The following ANO6 variants were observed in gnomAD, a reference collection of about 807,000 sequenced individuals.
The protein encoded by ANO6 is anoctamin-6.
Under a neutral mutation model 117.5 loss-of-function variants are expected in ANO6, and 106 were observed. The observed-to-expected ratio is 0.90, with a 90% CI of 0.77 to 1.06. The LOEUF is 1.06. Among genes scored for constraint, ANO6 ranks in the 50% least tolerant of loss-of-function variants. The pLI, the probability that ANO6 is intolerant of heterozygous loss-of-function variation, is 0.00. For missense variants in ANO6, 955 were observed against 1,121.1 expected (o/e 0.85, Z 2.12); for synonymous variants, 367 against 385.1 (o/e 0.95, Z 0.55).
Position 45,270,343 on chromosome 12 carries a change from C to T in ANO6, c.71-31671C>T, listed in dbSNP as rs76388777. ...AGCAAAAATGGTCAAATGGCTTGTA[C>T]GAGGTCAGGTCCTTGTTGTTACAGA... On this transcript the variant is annotated intron_variant, in intron 1 of 19. Transcript: ENST00000320560. The T allele has an allele frequency of 2.0e-3, 2,571 of 1,294,768 alleles. 47 individuals carry two copies. The African/African-American group carries it at 0.035, about 18-fold the overall frequency. 80.2% of individuals were successfully genotyped at this position (1,294,768 alleles called of 1,614,324 possible). A position where few individuals can be genotyped will look rare whatever the true frequency, so the allele number is the denominator to read the frequency against.
At chr12:45,284,313 G>A (rs988042641) in intron 1 of ANO6, among the ~76,000 whole-genome samples, 2 of 151,246 alleles carry the variant, frequency 1.3e-5, no homozygotes, top group African/African-American at 4.9e-5. Context: ...GATCAGATAA[G>A]TACTTTATGG....
chr12:45,428,929 G>C (rs1036832827), intron 19 of ANO6, among the ~76,000 whole-genome samples, 176 bp from the exon 20 acceptor site: 8 of 152,112 alleles, frequency 5.3e-5, no homozygotes, highest in African/African-American at 1.9e-4. Context: ...TAAAGTAACA[G>C]TAACTGCTAG....
chr12:45,301,408 C>A (rs1330052157), intron 1 of ANO6, among the ~76,000 whole-genome samples: 4 of 150,572 alleles, frequency 2.7e-5, no homozygotes, highest in African/African-American at 9.8e-5. Flanking sequence ...TTAGCCTGGG[C>A]AATATAGGGA....
At chr12:45,332,410 C>G (rs1187403210) in intron 3 of ANO6, among the ~76,000 whole-genome samples, 1 of 151,894 alleles carries the variant, frequency 6.6e-6, no homozygotes, top group Non-Finnish European at 1.5e-5. Flanking sequence ...CCCATTCTTT[C>G]AAATCAAGCG....
intron 15 of ANO6, among the ~76,000 whole-genome samples, chr12:45,405,557 T>C (rs1305327081): frequency 1.3e-5 from 2 of 152,230 alleles, no homozygotes; most frequent in Non-Finnish European, 2.9e-5. Context: ...TGACTGGTGC[T>C]GCTTCTCTTT....
intron 12 of ANO6, among the ~76,000 whole-genome samples, chr12:45,391,602 T>C (rs1210331276): frequency 2.0e-5 from 3 of 151,878 alleles, no homozygotes; most frequent in South Asian, 2.1e-4. Flanking sequence ...GCATGGTGGC[T>C]CACGCCTGTA....
intron 1 of ANO6, among the ~76,000 whole-genome samples, chr12:45,297,729 GCT>G (rs1203630148): frequency 6.6e-6 from 1 of 152,068 alleles, no homozygotes; most frequent in African/African-American, 2.4e-5. Context: ...TTTAAAGTAT[GCT>G]CTTTTATTTT....
Position 45,350,668 on chromosome 12 carries a change from C to A in ANO6, c.757C>A (p.Arg253Ser). 1 of 1,613,596 alleles carries A rather than the reference C, an allele frequency of 6.2e-7. No homozygotes were observed. The highest frequency in any genetic ancestry group is 1.1e-5 in the South Asian group (1 of 91,028). ...CCCTTCTGCGTCACAGTGCAAATTC[C>A]GCCGTCAGTCAGAGGATCCCAGCTG... is the stretch of plus-strand genomic sequence containing the variant. The part of the protein sequence containing the change: ...AAFPLHDCKF[R>S]RQSEDPSCPN... Residue 253 changes from arginine to serine, a missense_variant, in exon 7 of 20, where the codon CGC becomes AGC. By Grantham distance (110) the Arg-to-Ser change is moderately radical. Transcript: ENST00000320560.
chr12:45,408,629 T>C (rs1943006917), intron 15 of ANO6, among the ~76,000 whole-genome samples: 1 of 152,164 alleles, frequency 6.6e-6, no homozygotes, highest in Admixed American at 6.5e-5. Context: ...CAGCTTAAAA[T>C]AGGAATTGGA....
chr12:45,225,392 G>C (rs1947466660), intron 1 of ANO6, among the ~76,000 whole-genome samples: 1 of 152,048 alleles, frequency 6.6e-6, no homozygotes, highest in Non-Finnish European at 1.5e-5. Context: ...CTTGAAGCGG[G>C]GAGAAGATTT....
At chr12:45,332,605 C>T (rs1217097930) in intron 3 of ANO6, among the ~76,000 whole-genome samples, 1 of 151,968 alleles carries the variant, frequency 6.6e-6, no homozygotes, top group African/African-American at 2.4e-5. Flanking sequence ...AAACAAGCTC[C>T]CAGATGACAG....
chr12:45,364,544 A>G (rs1288759059), intron 8 of ANO6, among the ~76,000 whole-genome samples: 1 of 152,054 alleles, frequency 6.6e-6, no homozygotes, highest in Non-Finnish European at 1.5e-5. Flanking sequence ...CCTAGCTTTC[A>G]ATTTGCTGAT....
intron 2 of ANO6, among the ~76,000 whole-genome samples, chr12:45,311,024 A>G (rs1163630664): frequency 6.6e-6 from 1 of 151,986 alleles, no homozygotes; most frequent in East Asian, 1.9e-4. Flanking sequence ...TTTTTTTTCA[A>G]TGGAGGTTGT....
intron 19 of ANO6, among the ~76,000 whole-genome samples, chr12:45,424,538 T>C (rs1943451747): frequency 6.6e-6 from 1 of 151,892 alleles, no homozygotes; most frequent in South Asian, 2.1e-4. Flanking sequence ...GGTTTCACCA[T>C]ATTGGCCAGG....
chr12:45,359,674 T>C (rs1481911936), intron 8 of ANO6, among the ~76,000 whole-genome samples: 1 of 152,264 alleles, frequency 6.6e-6, no homozygotes, highest in Non-Finnish European at 1.5e-5. Context: ...ATAAACCGCA[T>C]TGTTTATTCA....
chr12:45,299,180 A>G (rs900994824), intron 1 of ANO6, among the ~76,000 whole-genome samples: 1 of 152,216 alleles, frequency 6.6e-6, no homozygotes, highest in African/African-American at 2.4e-5. Context: ...AGCCTCGCAT[A>G]TAAGCACATT....
At chr12:45,362,000 A>G (rs568566657) in intron 8 of ANO6, among the ~76,000 whole-genome samples, 11 of 152,248 alleles carry the variant, frequency 7.2e-5, no homozygotes, top group African/African-American at 2.6e-4. Context: ...TACCAGTCGC[A>G]TAGAATGAGT....
intron 1 of ANO6, among the ~76,000 whole-genome samples, chr12:45,219,582 G>A (rs1947366521): frequency 1.4e-5 from 2 of 147,938 alleles, no homozygotes; most frequent in Middle Eastern, 3.6e-3. Flanking sequence ...GAGCTTAAGT[G>A]ATTATCCTAC....
chr12:45,254,753 A>G (rs748174685), intron 1 of ANO6, among the ~76,000 whole-genome samples: 7 of 152,242 alleles, frequency 4.6e-5, no homozygotes, highest in Admixed American at 2.6e-4. Flanking sequence ...AATTACAGAT[A>G]TGTAAGATTA....
Sources: gnomAD v4.1 joint callset for allele counts (sites outside exome capture counted in the v4.1 genomes callset) on GRCh38, gnomAD v4.1.1 for gene constraint, MANE v1.5 for transcripts, NCBI Gene and HGNC (gene_info 2026-07-23, HGNC 2026-07-21) for gene names.